The following GPC5 variants were observed in gnomAD, a reference collection of about 807,000 sequenced individuals.
GPC5 encodes the protein glypican 5.
In GPC5, 47 loss-of-function variants were observed where a neutral mutation model predicts 53.9. The observed-to-expected ratio is 0.87, with a 90% CI of 0.69 to 1.11. GPC5 has a LOEUF of 1.11. Among genes scored for constraint, GPC5 ranks in the 50% most tolerant of loss-of-function variants. The pLI, the probability that GPC5 is intolerant of heterozygous loss-of-function variation, is 0.00. For synonymous variants in GPC5, 286 were observed against 263.3 expected (o/e 1.09, Z -0.84); for missense variants, 748 against 713.1 (o/e 1.05, Z -0.56).
At chr13:92,287,925 C>T (rs1218455450) in intron 7 of GPC5, among the ~76,000 whole-genome samples, 5 of 152,010 alleles carry the variant, frequency 3.3e-5, no homozygotes, top group Admixed American at 6.6e-5. Context: ...CCATACATCT[C>T]GTGGGCTCTG....
At chr13:92,759,651 A>G (rs532785982) in intron 7 of GPC5, among the ~76,000 whole-genome samples, 1 of 152,184 alleles carries the variant, frequency 6.6e-6, no homozygotes, top group Admixed American at 6.6e-5. Context: ...GGTTCATATC[A>G]TCTGCAAATA....
At chr13:92,538,227 G>T (rs79031929) in intron 7 of GPC5, among the ~76,000 whole-genome samples, 2 of 144,298 alleles carry the variant, frequency 1.4e-5, no homozygotes, top group East Asian at 4.1e-4. Context: ...CTCCACTTCC[G>T]TTCCCTCTCC....
At chr13:91,456,216 T>A (rs1881538528) in intron 2 of GPC5, among the ~76,000 whole-genome samples, 2 of 152,142 alleles carry the variant, frequency 1.3e-5, no homozygotes, top group African/African-American at 4.8e-5. Flanking sequence ...CTGTTAGATA[T>A]TTTGGGAGTA....
intron 7 of GPC5, among the ~76,000 whole-genome samples, chr13:92,710,416 G>C (rs974772244): frequency 3.3e-5 from 5 of 152,142 alleles, no homozygotes; most frequent in Non-Finnish European, 5.9e-5. Flanking sequence ...TTTTTAAAAA[G>C]TACATGATGT....
chr13:92,409,299 A>G (rs1489934157), intron 7 of GPC5, among the ~76,000 whole-genome samples: 1 of 151,914 alleles, frequency 6.6e-6, no homozygotes, highest in Admixed American at 6.6e-5. Flanking sequence ...ATAAAAATAC[A>G]AAGAACAATT....
intron 2 of GPC5, among the ~76,000 whole-genome samples, chr13:91,565,120 G>A (rs2031472269): frequency 6.6e-6 from 1 of 152,004 alleles, no homozygotes; most frequent in African/African-American, 2.4e-5. Flanking sequence ...CTCCCAAGTA[G>A]CTGGGATTAT....
At chr13:92,789,879 C>T (rs994539243) in intron 7 of GPC5, among the ~76,000 whole-genome samples, 1 of 152,148 alleles carries the variant, frequency 6.6e-6, no homozygotes, top group East Asian at 1.9e-4. Context: ...CAGTCCAAGT[C>T]CCAAAACCTC....
rs201918417 is a variant in GPC5 at position 91,478,902 on chromosome 13, T to TATAC, written c.325+29980_325+29981insATAC. Among the ~76,000 whole-genome samples, 5 of 90,314 alleles carry TATAC rather than the reference T, an allele frequency of 5.5e-5. 2 individuals are homozygous for TATAC. Among genetic ancestry groups the TATAC allele is most frequent in the African/African-American group, 2.4e-4 (4 of 16,630 alleles). 59.2% of individuals were successfully genotyped at this position (90,314 alleles called of 152,430 possible). On this transcript the variant is annotated intron_variant, in intron 2 of 7. Transcript: ENST00000377067. ...CACATTATATATATATATATATATA[T>TATAC]GCACATATATATATTCTTTTTTTTT... is the stretch of plus-strand genomic sequence containing the variant.
chr13:92,207,457 T>C (rs928476223), intron 7 of GPC5, among the ~76,000 whole-genome samples: 2 of 152,194 alleles, frequency 1.3e-5, no homozygotes, highest in African/African-American at 4.8e-5. Context: ...TGAGAACATG[T>C]GGGGAAAAGA....
chr13:92,482,066 G>T (rs969818722), intron 7 of GPC5, among the ~76,000 whole-genome samples: 22 of 152,116 alleles, frequency 1.4e-4, no homozygotes, highest in African/African-American at 5.3e-4. Flanking sequence ...TGGAGGCAGA[G>T]GTTGCAGTGA....
At chr13:92,158,214 G>T (rs976505438) in intron 7 of GPC5, among the ~76,000 whole-genome samples, 11 of 152,178 alleles carry the variant, frequency 7.2e-5, no homozygotes, top group South Asian at 2.1e-4. Flanking sequence ...TCTTCCTGGA[G>T]CACCACTTTT....
At chr13:92,109,556 T>A (rs2041539981) in intron 6 of GPC5, among the ~76,000 whole-genome samples, 1 of 152,160 alleles carries the variant, frequency 6.6e-6, no homozygotes, top group South Asian at 2.1e-4. Flanking sequence ...TATGAAAATT[T>A]AGATTCAACA....
chr13:92,119,264 G>A (rs1236447729), intron 6 of GPC5, among the ~76,000 whole-genome samples: 2 of 151,972 alleles, frequency 1.3e-5, no homozygotes, highest in South Asian at 2.1e-4. Flanking sequence ...GCCCCAATGA[G>A]TCAATTACCT....
At chr13:92,448,297 T>C (rs1164885832) in intron 7 of GPC5, 1 of 152,156 alleles carries the variant, frequency 6.6e-6, no homozygotes, top group African/African-American at 2.4e-5. Context: ...ATGCATTTTC[T>C]TTTGAGTTTT....
At chr13:92,723,031 C>T (rs1888546293) in intron 7 of GPC5, among the ~76,000 whole-genome samples, 1 of 151,594 alleles carries the variant, frequency 6.6e-6, no homozygotes, top group African/African-American at 2.4e-5. Context: ...TTGAAATAGA[C>T]AGAACCGGGT....
intron 6 of GPC5, among the ~76,000 whole-genome samples, chr13:92,045,283 G>A (rs1222158221): frequency 1.3e-5 from 2 of 152,182 alleles, no homozygotes; most frequent in Non-Finnish European, 2.9e-5. Flanking sequence ...GAGAATCAAT[G>A]TGGGTATATA....
chr13:92,498,961 TG>T (rs1880084886), intron 7 of GPC5, among the ~76,000 whole-genome samples: 1 of 151,996 alleles, frequency 6.6e-6, no homozygotes, highest in Non-Finnish European at 1.5e-5. Flanking sequence ...CACATGAATA[TG>T]AAAATAAAAG....
intron 7 of GPC5, among the ~76,000 whole-genome samples, chr13:92,791,823 AT>A (rs1216299759): frequency 1.3e-5 from 2 of 152,054 alleles, no homozygotes; most frequent in Admixed American, 6.6e-5. Flanking sequence ...CTACATTATT[AT>A]TTTTTTAAAA....
chr13:91,992,603 G>A (rs1172539085), intron 6 of GPC5, among the ~76,000 whole-genome samples: 24 of 151,930 alleles, frequency 1.6e-4, no homozygotes, highest in Admixed American at 1.4e-3. Context: ...GACTGCAGGC[G>A]TCAGCCACCA....
Sources: allele counts gnomAD v4.1 joint callset (sites outside exome capture counted in the v4.1 genomes callset), GRCh38; gene constraint gnomAD v4.1.1; transcripts MANE v1.5; gene names NCBI Gene and HGNC (gene_info 2026-07-23, HGNC 2026-07-21).